Variants in TTC7B observed in about 807,000 individuals in gnomAD.
The protein encoded by TTC7B is tetratricopeptide repeat domain 7B.
TTC7B carries 28 observed loss-of-function variants against 106.8 expected under a neutral mutation model. That is an observed-to-expected ratio of 0.26 (90% CI 0.19 to 0.36). The LOEUF (loss-of-function observed/expected upper bound fraction) is 0.36, where lower values mean the gene tolerates loss of function less well. Ranked by LOEUF, TTC7B falls within the 10% of genes least tolerant of loss-of-function variation. The pLI is 1.00. For synonymous variants in TTC7B, 405 were observed against 430.6 expected (o/e 0.94, Z 0.74); for missense variants, 862 against 1,076.4 (o/e 0.80, Z 2.79).
At chr14:90,764,593 A>T (rs1890612392) in intron 3 of TTC7B, among the ~76,000 whole-genome samples, 1 of 152,224 alleles carries the variant, frequency 6.6e-6, no homozygotes, top group African/African-American at 2.4e-5. Context: ...GGATATATAA[A>T]GAACTACTAC....
chr14:90,750,869 G>A (rs1219939994), intron 3 of TTC7B, among the ~76,000 whole-genome samples: 3 of 152,194 alleles, frequency 2.0e-5, no homozygotes, highest in Non-Finnish European at 4.4e-5. Context: ...TGCCTATGCA[G>A]CTCAGTTCCA....
intron 7 of TTC7B, among the ~76,000 whole-genome samples, chr14:90,687,454 G>A (rs1887289539): frequency 6.6e-6 from 1 of 152,132 alleles, no homozygotes; most frequent in African/African-American, 2.4e-5. Context: ...CAAGGGGTGA[G>A]GCCATACTGG....
chr14:90,749,295 TTA>T (rs1404514649), intron 3 of TTC7B, among the ~76,000 whole-genome samples: 1 of 152,174 alleles, frequency 6.6e-6, no homozygotes, highest in Admixed American at 6.5e-5. Flanking sequence ...TCAAAAATGT[TTA>T]TGTCACCCTC....
In TTC7B at chr14:90,649,952, G is replaced by A. The variant is rs186905935; in HGVS notation, c.1517+2889C>T. ...GAGACCCAGAATGACCATCATCATC[G>A]TGCAGTGGGAGCAGTGCCCAGAGAT... is the stretch of plus-strand genomic sequence containing the variant. On this transcript the variant is annotated intron_variant, in intron 13 of 19. Transcript: ENST00000328459. 2.7e-5 allele frequency among the ~76,000 whole-genome samples: 4 copies of A among 150,750 alleles called. No homozygotes were observed. The Admixed American group carries it at 2.7e-4, about 10-fold the overall frequency.
chr14:90,722,079 A>G (rs928367008), intron 5 of TTC7B, among the ~76,000 whole-genome samples: 5 of 152,244 alleles, frequency 3.3e-5, no homozygotes, highest in African/African-American at 1.2e-4. Flanking sequence ...ACAGCGATCT[A>G]GGTGAGTCAA....
intron 19 of TTC7B, among the ~76,000 whole-genome samples, chr14:90,552,423 C>G (rs537630777): frequency 6.6e-6 from 1 of 152,208 alleles, no homozygotes; most frequent in Non-Finnish European, 1.5e-5. Context: ...TCCTGACAGC[C>G]CGTGCCCATC....
intron 5 of TTC7B, among the ~76,000 whole-genome samples, chr14:90,728,337 CAAAAAA>C (rs35504744): frequency 1.2e-4 from 5 of 40,048 alleles, no homozygotes; most frequent in South Asian, 1.7e-3. Context: ...GTCCCCCCCG[CAAAAAA>C]AAAAAAAAAA....
intron 11 of TTC7B, among the ~76,000 whole-genome samples, chr14:90,656,949 GA>G: frequency 6.6e-6 from 1 of 152,270 alleles, no homozygotes; most frequent in African/African-American, 2.4e-5. Context: ...AATCCCATAG[GA>G]AAAAACCCCT....
At chr14:90,599,575 G>A (rs1195089359) in intron 17 of TTC7B, among the ~76,000 whole-genome samples, 3 of 152,258 alleles carry the variant, frequency 2.0e-5, no homozygotes, top group Non-Finnish European at 2.9e-5. Flanking sequence ...TCATGAGTGT[G>A]AACATGGGGG....
At chr14:90,712,137 A>G (rs1888474331) in intron 5 of TTC7B, among the ~76,000 whole-genome samples, 1 of 152,226 alleles carries the variant, frequency 6.6e-6, no homozygotes, top group Non-Finnish European at 1.5e-5. Context: ...CTTTAAATCA[A>G]AGAATATTAC....
intron 3 of TTC7B, among the ~76,000 whole-genome samples, chr14:90,753,779 G>C (rs768762015): frequency 6.6e-6 from 1 of 152,166 alleles, no homozygotes; most frequent in Non-Finnish European, 1.5e-5. Flanking sequence ...TCCTTCTTAG[G>C]AGGTGTGCTC....
At chr14:90,629,136 G>A (rs1351140855) in intron 15 of TTC7B, among the ~76,000 whole-genome samples, 1 of 152,240 alleles carries the variant, frequency 6.6e-6, no homozygotes, top group Admixed American at 6.5e-5. Flanking sequence ...TCATCTGAAG[G>A]TGGCTTATCA....
chr14:90,752,764 C>G lies in TTC7B; in HGVS notation c.446-7842G>C, dbSNP rs756113625. 3.0e-4 allele frequency among the ~76,000 whole-genome samples: 45 copies of G among 152,212 alleles called. 1 individual carries two copies. The highest frequency in any genetic ancestry group is 9.7e-5 in the African/African-American group (4 of 41,450). On this transcript the variant is annotated intron_variant, in intron 3 of 19. Coordinates refer to ENST00000328459, the MANE Select transcript of TTC7B (RefSeq NM_001010854.2). ...GCTCCACAGCTAGTAAATGATAAAG[C>G]CAGGTTCCGACCCCTGGTCTATCTG...
chr14:90,793,524 C>CA (rs199770166), intron 1 of TTC7B, among the ~76,000 whole-genome samples: 86,394 of 128,364 alleles, frequency 0.67, 31,022 homozygotes, highest in Non-Finnish European at 0.8. Flanking sequence ...GACTCTGTCT[C>CA]AAAAAAAAAA....
chr14:90,807,036 G>A lies in TTC7B; in HGVS notation c.121+9139C>T, dbSNP rs913764002. Among the ~76,000 whole-genome samples, 6 of 152,246 alleles carry A rather than the reference G, an allele frequency of 3.9e-5. No individual in the cohort carries two copies. Among genetic ancestry groups the A allele is most frequent in the East Asian group, 1.9e-4 (1 of 5,168 alleles). Reference sequence around the variant, plus strand: ...CAAAGCCCACTGCTTTCTCCTGCCCGGGGTTCCTTTCCCCTTTGCTAAAAT... The same window carrying A: ...CAAAGCCCACTGCTTTCTCCTGCCCAGGGTTCCTTTCCCCTTTGCTAAAAT... On this transcript the variant is annotated intron_variant, in intron 1 of 19. Transcript: ENST00000328459. The surrounding 1 kb of genome is among the most constrained non-coding windows in gnomAD (Gnocchi z 4.1).
intron 3 of TTC7B, chr14:90,772,606 G>A (rs951887111): frequency 6.6e-6 from 1 of 152,122 alleles, no homozygotes; most frequent in East Asian, 1.9e-4. Flanking sequence ...GATGGGTAAT[G>A]GATATCTTTA....
At chr14:90,599,419 C>A (rs1384962709) in intron 17 of TTC7B, among the ~76,000 whole-genome samples, 1 of 152,204 alleles carries the variant, frequency 6.6e-6, no homozygotes, top group African/African-American at 2.4e-5. Context: ...GGCGAGCATT[C>A]CAGTGCCAGG....
intron 19 of TTC7B, among the ~76,000 whole-genome samples, chr14:90,555,368 C>T (rs183266469): frequency 3.9e-5 from 6 of 152,266 alleles, no homozygotes; most frequent in Admixed American, 2.6e-4. Flanking sequence ...AGCCAGACCA[C>T]GGGCTCTTGG....
In TTC7B at chr14:90,685,321, G is replaced by A. The variant is rs115368103; in HGVS notation, c.950+4219C>T. ...CCAAACCAGCATAACTGAATGGTGAGAATGTGCTTTCTGCCAATGTGAATG... is the reference window on the plus strand; with the variant it reads ...CCAAACCAGCATAACTGAATGGTGAAAATGTGCTTTCTGCCAATGTGAATG... On this transcript the variant is annotated intron_variant, in intron 7 of 19. Coordinates refer to ENST00000328459, the MANE Select transcript of TTC7B (RefSeq NM_001010854.2). Among the ~76,000 whole-genome samples the A allele has an allele frequency of 2.6e-4, 40 of 152,320 alleles. 1 individual carries two copies. Among genetic ancestry groups the A allele is most frequent in the African/African-American group, 8.9e-4 (37 of 41,564 alleles).
Sources: gnomAD v4.1 joint callset for allele counts (sites outside exome capture counted in the v4.1 genomes callset) on GRCh38, gnomAD v4.1.1 for gene constraint, Gnocchi (gnomAD v3.1) non-coding constraint, MANE v1.5 for transcripts, NCBI Gene and HGNC (gene_info 2026-07-23, HGNC 2026-07-21) for gene names.